ABR: variants seen among roughly 807,000 people sequenced by gnomAD.
ABR encodes active breakpoint cluster region-related protein.
Under a neutral mutation model 107.2 loss-of-function variants are expected in ABR, and 35 were observed. The ratio of observed to expected loss-of-function variants is 0.33; its 90% CI spans 0.25 to 0.43. The LOEUF is 0.43. Ranked by LOEUF, ABR falls within the 20% of genes least tolerant of loss-of-function variation. The pLI is 1.00. For missense variants in ABR, 815 were observed against 1,115.2 expected, an observed-to-expected ratio of 0.73 and a Z score of 3.83; for synonymous variants, 498 against 462.0, an observed-to-expected ratio of 1.08 and a Z score of -1.00.
intron 1 of ABR, among the ~76,000 whole-genome samples, chr17:1,163,351 C>G (rs1415165876): frequency 6.6e-6 from 1 of 152,196 alleles, no homozygotes; most frequent in African/African-American, 2.4e-5. Context: ...GTGACAATTC[C>G]ATAGAAACTT....
In ABR at chr17:1,179,760, C is replaced by T; in HGVS notation, c.-33G>A. 6.9e-7 allele frequency: 1 copy of T among 1,440,402 alleles called. No homozygotes were observed. The allele number at this position is 1,440,402 out of a possible 1,614,324, so 89.2% of individuals were successfully genotyped here. ...CGGCGGCTCGGTCAGATCCGAAACC[C>T]GACCCTCATCGCGCAACAAAGGAGG... On this transcript the variant is annotated 5_prime_UTR_variant, in exon 1 of 23. Transcript: ENST00000302538. The surrounding 1 kb of genome is among the most constrained non-coding windows in gnomAD (Gnocchi z 4.9).
intron 1 of ABR, among the ~76,000 whole-genome samples, chr17:1,159,740 A>G (rs561011582): frequency 5.5e-4 from 84 of 151,902 alleles, no homozygotes; most frequent in African/African-American, 1.8e-3. Context: ...CGGTACTCAC[A>G]CACAGGAGAA....
chr17:1,057,731 G>A (rs2033499937), intron 12 of ABR: 2 of 493,864 alleles, frequency 4.0e-6, no homozygotes, highest in Non-Finnish European at 7.4e-6. Context: ...GAGAGAGAGA[G>A]AAAGCCCAGG....
chr17:1,008,685 G>C (rs1297563471), intron 21 of ABR, among the ~76,000 whole-genome samples: 1 of 152,264 alleles, frequency 6.6e-6, no homozygotes, highest in Non-Finnish European at 1.5e-5. Context: ...AGCCTGGCGT[G>C]GCTGAGCTGC....
In ABR at chr17:1,011,060, C is replaced by A; in HGVS notation, c.2102-197G>T. On this transcript the variant is annotated intron_variant, in intron 19 of 22. Coordinates refer to ENST00000302538, the MANE Select transcript of ABR (RefSeq NM_021962.5). The surrounding 1 kb of genome is among the most constrained non-coding windows in gnomAD (Gnocchi z 4.8). ...GGGTTGGGGGAACAGGGAGAGATAG[C>A]CTGGGGGCCATCTGCTGTGGCTGCT... 1.6e-6 allele frequency: 1 copy of A among 640,520 alleles called. No individual in the cohort carries two copies. 39.7% of individuals were successfully genotyped at this position (640,520 alleles called of 1,614,324 possible).
At chr17:1,201,988 G>A (rs1384838598) in intron 1 of ABR, among the ~76,000 whole-genome samples, 1 of 151,874 alleles carries the variant, frequency 6.6e-6, no homozygotes, top group African/African-American at 2.4e-5. Flanking sequence ...GCTTACTAGT[G>A]TTTCTTAAAA....
At chr17:1,042,172 G>A (rs1170378823) in intron 16 of ABR, among the ~76,000 whole-genome samples, 3 of 145,548 alleles carry the variant, frequency 2.1e-5, no homozygotes, top group African/African-American at 7.4e-5. Flanking sequence ...ACGGATGGAC[G>A]GACGGACAGA....
At chr17:1,161,560 T>A (rs1454408076) in intron 1 of ABR, among the ~76,000 whole-genome samples, 1 of 150,976 alleles carries the variant, frequency 6.6e-6, no homozygotes, top group Admixed American at 6.6e-5. Context: ...TCACTATTTT[T>A]TTTTTTTTTT....
At chr17:1,147,708 T>C (rs1237847722) in intron 1 of ABR, among the ~76,000 whole-genome samples, 1 of 151,968 alleles carries the variant, frequency 6.6e-6, no homozygotes, top group Admixed American at 6.6e-5. Flanking sequence ...AACACCCTGC[T>C]CCCACTCAGC....
chr17:1,010,770 A>G lies in ABR; in HGVS notation c.2195T>C (p.Leu732Pro). 6.2e-7 allele frequency: 1 copy of G among 1,613,676 alleles called. No individual in the cohort carries two copies. The highest frequency in any genetic ancestry group is 8.5e-7 in the Non-Finnish European group (1 of 1,180,000). ...KLYFRELPEP[L>P]LTDRLYPAFM... ...GGCTGGGTAGAGTCGGTCCGTGAGG[A>G]GCGGCTCGGGCAGTTCCCGGAAGTA... Residue 732 changes from leucine (L) to proline (P), a missense_variant, in exon 20 of 23, where the codon CTC (leucine) becomes CCC (proline). Around this residue, in one of 5 missense-constraint regions of ABR, gnomAD observed 175 missense variants for 284.3 expected, o/e 0.62. Transcript: ENST00000302538. This position sits in a 1 kb window ranked among gnomAD's most constrained non-coding sequence, Gnocchi z 4.1.
rs1229212310 is a variant in ABR, at chr17:1,037,020, C to CA, written c.1791+13029_1791+13030insT. ...CCATCCTTCCTTCCTTCCATCCTTC[C>CA]TTCCTTCCATCCATCCACCCATCCA... On this transcript the variant is annotated intron_variant, in intron 16 of 22. Coordinates refer to ENST00000302538, the MANE Select transcript of ABR (RefSeq NM_021962.5). The surrounding 1 kb of genome is among the most constrained non-coding windows in gnomAD (Gnocchi z 4.6). 2.7e-5 allele frequency among the ~76,000 whole-genome samples: 4 copies of CA among 146,574 alleles called. No homozygotes were observed. Among genetic ancestry groups the CA allele is most frequent in the African/African-American group, 1.1e-4 (4 of 36,428 alleles).
rs750419426 is a variant in ABR, at chr17:1,056,084, G to A, written c.1512C>T (p.Gly504=). 1 of 1,614,082 alleles carries A rather than the reference G, an allele frequency of 6.2e-7. No homozygotes were observed. The highest frequency in any genetic ancestry group is 8.5e-7 in the Non-Finnish European group (1 of 1,180,028). The stretch of plus-strand genomic sequence containing the variant: ...CAGAGTGGACGATGACATGAAGGAA[G>A]CCATAGAGTCCTGGAGACTCATCGT... ...KDDDESPGLY[G]FLHVIVHSAK... Residue 504 remains glycine (G), a synonymous_variant, in exon 14 of 23, where the codon GGC becomes GGT. Coordinates refer to ENST00000302538, the MANE Select transcript of ABR (RefSeq NM_021962.5).
intron 1 of ABR, among the ~76,000 whole-genome samples, chr17:1,224,665 C>T (rs1310971604): frequency 2.0e-5 from 3 of 152,056 alleles, no homozygotes; most frequent in African/African-American, 2.4e-5. Context: ...GAGGGGGAAA[C>T]ACGTATCTTA....
intron 2 of ABR, among the ~76,000 whole-genome samples, chr17:1,102,440 C>T (rs914269336): frequency 6.6e-6 from 1 of 152,236 alleles, no homozygotes; most frequent in Non-Finnish European, 1.5e-5. Flanking sequence ...TGAACTCACT[C>T]CCCTAGAGCA....
intron 16 of ABR, among the ~76,000 whole-genome samples, chr17:1,040,819 T>G (rs1033229802): frequency 6.6e-6 from 1 of 152,216 alleles, no homozygotes. Flanking sequence ...AGATACTCGC[T>G]CTGTTCTCCC....
chr17:1,199,410 G>GT (rs1567886007), intron 1 of ABR, among the ~76,000 whole-genome samples: 1 of 150,962 alleles, frequency 6.6e-6, no homozygotes, highest in African/African-American at 2.5e-5. Context: ...TTGTTTTCTG[G>GT]TTTTTTTGAA....
At chr17:1,144,737 C>A (rs2040460170) in intron 1 of ABR, among the ~76,000 whole-genome samples, 1 of 151,726 alleles carries the variant, frequency 6.6e-6, no homozygotes, top group South Asian at 2.1e-4. Flanking sequence ...ACTAAAAATA[C>A]AAAAATTAGG....
At chr17:1,016,165 A>G (rs932260720) in intron 16 of ABR, among the ~76,000 whole-genome samples, 2 of 152,190 alleles carry the variant, frequency 1.3e-5, no homozygotes, top group African/African-American at 4.8e-5. Context: ...ATATATACCT[A>G]TTACTGAAAA....
chr17:1,196,359 G>T (rs1163555016), intron 1 of ABR, among the ~76,000 whole-genome samples: 1 of 152,102 alleles, frequency 6.6e-6, no homozygotes, highest in Admixed American at 6.6e-5. Flanking sequence ...GAACCCAGGA[G>T]GTGGAGGTCA....
Sources: allele counts gnomAD v4.1 joint callset (sites outside exome capture counted in the v4.1 genomes callset), GRCh38; gene constraint gnomAD v4.1.1; regional missense constraint gnomAD v4.1.1; non-coding constraint Gnocchi (gnomAD v3.1); transcripts MANE v1.5; gene names NCBI Gene and HGNC (gene_info 2026-07-23, HGNC 2026-07-21).